Variants in MAPK9 observed in about 807,000 individuals in gnomAD.
MAPK9 encodes Jun kinase.
Under a neutral mutation model 57.1 loss-of-function variants are expected in MAPK9, and 30 were observed. That is an observed-to-expected ratio of 0.53 (90% confidence interval 0.39 to 0.71). The LOEUF is 0.71. Among genes scored for constraint, MAPK9 ranks in the 30% least tolerant of loss-of-function variants. The pLI is 0.00. For missense variants in MAPK9, 362 were observed against 521.0 expected, an observed-to-expected ratio of 0.69 and a Z score of 2.97; for synonymous variants, 155 against 177.0, an observed-to-expected ratio of 0.88 and a Z score of 0.99.
intron 1 of MAPK9, among the ~76,000 whole-genome samples, chr5:180,289,827 C>G (rs1581342537): frequency 6.6e-6 from 1 of 152,218 alleles, no homozygotes; most frequent in East Asian, 1.9e-4. Flanking sequence ...TAGCTATTGC[C>G]AACATTTAAA....
At chr5:180,248,612 G>T (rs534050883) in intron 6 of MAPK9, among the ~76,000 whole-genome samples, 1 of 152,212 alleles carries the variant, frequency 6.6e-6, no homozygotes, top group East Asian at 1.9e-4. Context: ...GAGATCAGGA[G>T]ATTGGCCAGC....
chr5:180,280,678 T>G (rs2127622287), intron 1 of MAPK9, 70 bp from the exon 2 acceptor site: 1 of 1,237,334 alleles, frequency 8.1e-7, no homozygotes, highest in East Asian at 2.5e-5. Flanking sequence ...AAGAGAGTTC[T>G]GAACTTATTG....
intron 5 of MAPK9, among the ~76,000 whole-genome samples, chr5:180,260,198 A>T (rs1175110292): frequency 6.6e-6 from 1 of 152,214 alleles, no homozygotes; most frequent in Non-Finnish European, 1.5e-5. Flanking sequence ...ACTCATTTCT[A>T]AAAAACCCTA....
intron 5 of MAPK9, among the ~76,000 whole-genome samples, chr5:180,260,812 T>C (rs1759867714): frequency 6.6e-6 from 1 of 152,210 alleles, no homozygotes; most frequent in African/African-American, 2.4e-5. Context: ...CTGGCCTTAT[T>C]TGACAAGTTT....
At chr5:180,287,470 T>C (rs571434157) in intron 1 of MAPK9, among the ~76,000 whole-genome samples, 1 of 152,238 alleles carries the variant, frequency 6.6e-6, no homozygotes, top group African/African-American at 2.4e-5. Flanking sequence ...ATTCTCCCAT[T>C]TGAACTCCTT....
At chr5:180,241,217 A>G in intron 8 of MAPK9, 62 bp from the exon 9 acceptor site, 1 of 1,460,956 alleles carries the variant, frequency 6.8e-7, no homozygotes, top group Non-Finnish European at 9.4e-7. Flanking sequence ...ATCATACAAT[A>G]AAGAACTAAA....
intron 2 of MAPK9, among the ~76,000 whole-genome samples, chr5:180,276,531 A>T (rs1761831774): frequency 6.6e-6 from 1 of 152,244 alleles, no homozygotes; most frequent in Non-Finnish European, 1.5e-5. Flanking sequence ...AACACAGTTG[A>T]TATTTATGAA....
At chr5:180,241,873 G>A (rs570240364) in intron 8 of MAPK9, among the ~76,000 whole-genome samples, 21 of 152,294 alleles carry the variant, frequency 1.4e-4, no homozygotes, top group African/African-American at 4.3e-4. Context: ...AAGTCACATC[G>A]AAATGAAATT....
chr5:180,285,713 CAA>C (rs773410474), intron 1 of MAPK9, among the ~76,000 whole-genome samples: 5 of 151,818 alleles, frequency 3.3e-5, no homozygotes, highest in Non-Finnish European at 7.4e-5. Flanking sequence ...CACTTAAGCC[CAA>C]GAGTTCCAGA....
chr5:180,270,278 ATTCTC>A (rs1761132073), intron 2 of MAPK9, among the ~76,000 whole-genome samples: 1 of 152,188 alleles, frequency 6.6e-6, no homozygotes, highest in Non-Finnish European at 1.5e-5. Flanking sequence ...GTTTACATTT[ATTCTC>A]TTCTATTAAT....
intron 1 of MAPK9, among the ~76,000 whole-genome samples, chr5:180,291,016 G>A (rs959305428): frequency 2.0e-5 from 3 of 152,244 alleles, no homozygotes; most frequent in Non-Finnish European, 4.4e-5. Context: ...GGAAGAAAGA[G>A]GGTGGTCGAG....
At chr5:180,253,470 G>A (rs1758927370) in intron 5 of MAPK9, 1 of 152,414 alleles carries the variant, frequency 6.6e-6, no homozygotes, top group Admixed American at 6.5e-5. Flanking sequence ...CAAGTGAAAT[G>A]CAGGTGCTAT....
chr5:180,291,788 C>A, intron 1 of MAPK9, 60 bp downstream of exon 1: 2 of 148,770 alleles, frequency 1.3e-5, no homozygotes, highest in South Asian at 3.8e-4. Flanking sequence ...CCTCACCGCC[C>A]CTCCCCGCGG....
At chr5:180,289,907 G>A (rs1399596983) in intron 1 of MAPK9, among the ~76,000 whole-genome samples, 1 of 152,218 alleles carries the variant, frequency 6.6e-6, no homozygotes, top group Non-Finnish European at 1.5e-5. Flanking sequence ...CCAGGCTGGA[G>A]CACAGTGGTG....
chr5:180,264,488 G>A (rs1760323242), intron 4 of MAPK9, among the ~76,000 whole-genome samples: 1 of 152,186 alleles, frequency 6.6e-6, no homozygotes, highest in Admixed American at 6.5e-5. Context: ...GGCTATCAGG[G>A]ATTTGAGAAA....
intron 2 of MAPK9, among the ~76,000 whole-genome samples, chr5:180,276,817 G>GCACT (rs1346959691): frequency 6.6e-6 from 1 of 152,184 alleles, no homozygotes; most frequent in Non-Finnish European, 1.5e-5. Context: ...TCACGCCACT[G>GCACT]CACTCCACCT....
intron 3 of MAPK9, among the ~76,000 whole-genome samples, 172 bp from the exon 4 acceptor site, chr5:180,265,011 TAAAGG>T (rs1369787775): frequency 4.6e-5 from 7 of 152,212 alleles, no homozygotes; most frequent in African/African-American, 7.2e-5. Context: ...AAACATCAAT[TAAAGG>T]AAAGATGCAC....
chr5:180,284,672 C>A (rs1034964552), intron 1 of MAPK9, among the ~76,000 whole-genome samples: 1 of 152,184 alleles, frequency 6.6e-6, no homozygotes, highest in Non-Finnish European at 1.5e-5. Flanking sequence ...GTACAAGTAT[C>A]CAAACATATT....
chr5:180,258,878 A>AT (rs1367021679), intron 5 of MAPK9, among the ~76,000 whole-genome samples: 11 of 151,326 alleles, frequency 7.3e-5, no homozygotes, highest in African/African-American at 1.2e-4. Context: ...AAAAAAAAAA[A>AT]AAAAAAATAG....
Sources: allele counts gnomAD v4.1 joint callset (sites outside exome capture counted in the v4.1 genomes callset), GRCh38; gene constraint gnomAD v4.1.1; transcripts MANE v1.5; gene names NCBI Gene and HGNC (gene_info 2026-07-23, HGNC 2026-07-21).